CLSPN: variants seen among roughly 807,000 people sequenced by gnomAD.
CLSPN encodes claspin homolog.
CLSPN carries 85 observed loss-of-function variants against 156.3 expected under a neutral mutation model. That is an observed-to-expected ratio of 0.54 (90% CI 0.46 to 0.65). The LOEUF (loss-of-function observed/expected upper bound fraction) is 0.65. CLSPN is among the 30% of genes least tolerant of loss of function. CLSPN has a pLI of 0.00. For missense variants in CLSPN, 1,407 were observed against 1,554.9 expected (o/e 0.90, Z 1.60); for synonymous variants, 534 against 542.4 (o/e 0.98, Z 0.22).
chr1:35,760,948 A>G (rs374066594), intron 7 of CLSPN, 32 bp from the exon 8 acceptor site: 1,232 of 1,530,924 alleles, frequency 8.0e-4, no homozygotes, highest in South Asian at 9.6e-4. Flanking sequence ...GGAGTTGAAA[A>G]TTATCCTAAA....
intron 18 of CLSPN, 39 bp from the exon 19 acceptor site, chr1:35,739,568 A>T: frequency 2.0e-6 from 3 of 1,495,134 alleles, no homozygotes; most frequent in Non-Finnish European, 2.8e-6. Context: ...TGCAACAATG[A>T]ATATACTCAC....
Position 35,736,896 on chromosome 1 carries a change from A to G in CLSPN, c.3909+18T>C. The G allele has an allele frequency of 6.2e-7, 1 of 1,608,018 alleles. No individual in the cohort carries two copies. On this transcript the variant is annotated intron_variant, in intron 24 of 24. Coordinates refer to ENST00000318121, the MANE Select transcript of CLSPN (RefSeq NM_022111.4). ...TTCTGGTTTGGGAAGCCACCATATT[A>G]GTTCTCAAATTCCATACCTGAGACT...
intron 24 of CLSPN, among the ~76,000 whole-genome samples, chr1:35,723,867 T>A (rs535230348): frequency 1.3e-5 from 2 of 152,334 alleles, no homozygotes; most frequent in East Asian, 3.9e-4. Context: ...GGCACACGCC[T>A]GTAATCCCAG....
Position 35,760,614 on chromosome 1 carries a change from C to T in CLSPN, c.1307G>A (p.Gly436Glu). The T allele has an allele frequency of 6.2e-7, 1 of 1,614,168 alleles. No homozygotes were observed. The highest frequency in any genetic ancestry group is 8.5e-7 in the Non-Finnish European group (1 of 1,180,034). The part of the protein sequence containing the change: ...SVLQQESNFL[G>E]NNHSEECQVG... ...CTGACATTCCTCACTGTGATTGTTC[C>T]CGAGGAAGTTGGATTCCTGTTGCAA... is the stretch of plus-strand genomic sequence containing the variant. Residue 436 changes from glycine to glutamate, a missense_variant, in exon 8 of 25, where the codon GGG becomes GAG. Gly to Glu is a moderately conservative substitution (Grantham distance 98). Transcript: ENST00000318121.
intron 18 of CLSPN, among the ~76,000 whole-genome samples, chr1:35,740,123 C>T (rs1641641370): frequency 6.6e-6 from 1 of 152,172 alleles, no homozygotes; most frequent in Non-Finnish European, 1.5e-5. Flanking sequence ...TTTCATTTTG[C>T]ATTTGAGCAC....
intron 16 of CLSPN, 106 bp downstream of exon 16, chr1:35,745,345 C>A (rs1641841103): frequency 2.6e-6 from 2 of 759,450 alleles, no homozygotes; most frequent in Admixed American, 2.2e-5. Flanking sequence ...AGACTCAAAT[C>A]CACTGCAAGA....
intron 18 of CLSPN, among the ~76,000 whole-genome samples, chr1:35,740,450 GCT>G (rs1641652319): frequency 6.7e-6 from 1 of 149,286 alleles, no homozygotes; most frequent in African/African-American, 2.5e-5. Flanking sequence ...ATGAAGTGTC[GCT>G]CTGTCGCCTA....
intron 2 of CLSPN, 48 bp downstream of exon 2, chr1:35,765,170 C>A: frequency 9.0e-7 from 1 of 1,106,180 alleles, no homozygotes; most frequent in African/African-American, 1.5e-5. Context: ...CTACTTACAA[C>A]TGAGGCTCCC....
In CLSPN at chr1:35,760,648, T is replaced by C. The variant is rs750452518; in HGVS notation, c.1273A>G (p.Ser425Gly). 3.1e-6 allele frequency: 5 copies of C among 1,614,126 alleles called. No homozygotes were observed. Among genetic ancestry groups the C allele is most frequent in the Non-Finnish European group, 2.5e-6 (3 of 1,180,062 alleles). The change falls in exon 8 of 25, where the codon AGC becomes GGC. Residue 425 changes from serine to glycine, a missense_variant. Around this residue, in one of 3 missense-constraint regions of CLSPN, gnomAD observed 1,096 missense variants for 1,193.0 expected, o/e 0.92. Coordinates refer to ENST00000318121, the MANE Select transcript of CLSPN (RefSeq NM_022111.4). The part of the protein sequence containing the change: ...QSDIRPSPGD[S>G]SVLQQESNFL... ...TTGGATTCCTGTTGCAACACTGAGC[T>C]GTCCCCAGGTGAAGGTCTAATGTCA...
Position 35,749,721 on chromosome 1 carries a change from C to T in CLSPN, c.2119G>A (p.Gly707Ser). The change falls in exon 11 of 25, where the codon GGC becomes AGC. Residue 707 changes from glycine (G) to serine (S), a missense_variant. Physicochemically the swap from Gly to Ser is moderately conservative, Grantham distance 56. This residue lies in a region of CLSPN where 1,096 missense variants were observed against 1,193.0 expected (regional missense o/e 0.92). Coordinates refer to ENST00000318121, the MANE Select transcript of CLSPN (RefSeq NM_022111.4). ...KENNDGSSEI[G>S]KAVGFLSVPK... ...ACAGAGAGGAAGCCAACTGCCTTGC[C>T]AATTTCACTACTGCCATCATTATTT... The T allele has an allele frequency of 6.2e-7, 1 of 1,614,114 alleles. No homozygotes were observed. Among genetic ancestry groups the T allele is most frequent in the Non-Finnish European group, 8.5e-7 (1 of 1,180,006 alleles).
rs970722890 is a variant in CLSPN, at chr1:35,746,453, G to T, written c.2854+313C>A. 2.0e-5 allele frequency among the ~76,000 whole-genome samples: 3 copies of T among 151,712 alleles called. No individual in the cohort carries two copies. Among genetic ancestry groups the T allele is most frequent in the Non-Finnish European group, 4.4e-5 (3 of 67,956 alleles). ...TCTGCCACCCAGGCTGGAGTGCACT[G>T]GTGTGATCTCAGCTCACTGCAACCT... On this transcript the variant is annotated intron_variant, in intron 15 of 24. Coordinates refer to ENST00000318121, the MANE Select transcript of CLSPN (RefSeq NM_022111.4). The surrounding 1 kb of genome is among the most constrained non-coding windows in gnomAD (Gnocchi z 4.2).
At chr1:35,768,321 T>C (rs1642740390) in intron 1 of CLSPN, among the ~76,000 whole-genome samples, 1 of 151,678 alleles carries the variant, frequency 6.6e-6, no homozygotes, top group Non-Finnish European at 1.5e-5. Flanking sequence ...TGAGCCGAGA[T>C]TGTGCCACTG....
rs1190360450 is a variant in CLSPN, at chr1:35,733,480, T to C, written c.*3016A>G. ...TATCCTCAGTTGTCAATTCCAATTG[T>C]CTTTTCTATCTCTCCTCAAAAGACA... On this transcript the variant is annotated 3_prime_UTR_variant, in exon 25 of 25. Transcript: ENST00000318121. The C allele has an allele frequency of 1.0e-6, 1 of 985,340 alleles. No individual in the cohort carries two copies. The highest frequency in any genetic ancestry group is 1.2e-6 in the Non-Finnish European group (1 of 829,898). 61.0% of individuals were successfully genotyped at this position (985,340 alleles called of 1,614,324 possible).
rs747288700 is a variant in CLSPN at position 35,739,269 on chromosome 1, G to A, written c.3309-12C>T. 7 of 1,614,056 alleles carry A rather than the reference G, an allele frequency of 4.3e-6. No individual in the cohort carries two copies. Among genetic ancestry groups the A allele is most frequent in the Non-Finnish European group, 4.2e-6 (5 of 1,180,032 alleles). On this transcript the variant is annotated splice_polypyrimidine_tract_variant and intron_variant, in intron 19 of 24. Coordinates refer to ENST00000318121, the MANE Select transcript of CLSPN (RefSeq NM_022111.4). The stretch of plus-strand genomic sequence containing the variant: ...CCAACATAGTTTTCCTGCAACAGGA[G>A]AAATAAGGTGTTCAAAACAAGGACC...
At chr1:35,750,067 T>A (rs1472270789) in intron 10 of CLSPN, among the ~76,000 whole-genome samples, 3 of 152,196 alleles carry the variant, frequency 2.0e-5, no homozygotes, top group Non-Finnish European at 4.4e-5. Flanking sequence ...GATTATCATT[T>A]TATTGAGGCA....
chr1:35,727,130 G>C (rs1333719626), downstream of CLSPN, among the ~76,000 whole-genome samples: 2 of 152,232 alleles, frequency 1.3e-5, no homozygotes, highest in Non-Finnish European at 2.9e-5. Flanking sequence ...ACCAGGACTA[G>C]TGCATTCATA....
downstream of CLSPN, among the ~76,000 whole-genome samples, chr1:35,728,503 T>C (rs578024712): frequency 1.8e-4 from 28 of 152,334 alleles, no homozygotes; most frequent in African/African-American, 6.7e-4. Flanking sequence ...GGATCCTCAG[T>C]GTTCTTTTAG....
intron 10 of CLSPN, 39 bp from the exon 11 acceptor site, chr1:35,749,850 T>C (rs1166602103): frequency 6.3e-7 from 1 of 1,592,438 alleles, no homozygotes; most frequent in Admixed American, 1.8e-5. Context: ...AAAATACAAG[T>C]CAAAACATTT....
intron 9 of CLSPN, 65 bp downstream of exon 9, chr1:35,753,680 T>C (rs961002328): frequency 6.9e-6 from 10 of 1,442,184 alleles, no homozygotes; most frequent in African/African-American, 1.4e-5. Flanking sequence ...AGGTTTTCAA[T>C]AGCCTTGAAG....
Sources: allele counts gnomAD v4.1 joint callset (sites outside exome capture counted in the v4.1 genomes callset), GRCh38; gene constraint gnomAD v4.1.1; regional missense constraint gnomAD v4.1.1; non-coding constraint Gnocchi (gnomAD v3.1); transcripts MANE v1.5; gene names NCBI Gene and HGNC (gene_info 2026-07-23, HGNC 2026-07-21).